GALNT17: variants seen among roughly 807,000 people sequenced by gnomAD.
The protein encoded by GALNT17 is polypeptide N-acetylgalactosaminyltransferase 17.
GALNT17 carries 29 observed loss-of-function variants against 63.7 expected under a neutral mutation model. The ratio of observed to expected loss-of-function variants is 0.46; its 90% CI spans 0.34 to 0.62. The LOEUF is 0.62. Among genes scored for constraint, GALNT17 ranks in the 20% least tolerant of loss-of-function variants. The pLI, the probability that GALNT17 is intolerant of heterozygous loss-of-function variation, is 0.01. For synonymous variants in GALNT17, 305 were observed against 318.3 expected, an observed-to-expected ratio of 0.96 and a Z score of 0.45; for missense variants, 603 against 799.6, an observed-to-expected ratio of 0.75 and a Z score of 2.97.
At chr7:71,512,212 G>T (rs1037476510) in intron 5 of GALNT17, among the ~76,000 whole-genome samples, 7 of 151,802 alleles carry the variant, frequency 4.6e-5, no homozygotes, top group African/African-American at 1.5e-4. Context: ...ACCTTGTTAC[G>T]CAGGCTGGTC....
At chr7:71,503,932 A>T (rs111312910) in intron 5 of GALNT17, among the ~76,000 whole-genome samples, 2,270 of 152,154 alleles carry the variant, frequency 0.015, 64 homozygotes, top group African/African-American at 0.051. Flanking sequence ...CGTCTCTACT[A>T]AAAATACAAA....
At chr7:71,628,705 T>G (rs537677486) in intron 6 of GALNT17, among the ~76,000 whole-genome samples, 1 of 151,922 alleles carries the variant, frequency 6.6e-6, no homozygotes, top group South Asian at 2.1e-4. Flanking sequence ...CTGAGGCACG[T>G]GAATCACTTG....
chr7:71,139,714 C>G (rs930123168), intron 1 of GALNT17, among the ~76,000 whole-genome samples: 4 of 151,998 alleles, frequency 2.6e-5, no homozygotes, highest in African/African-American at 9.7e-5. Context: ...GAATGGTGGC[C>G]GGGCACGGTG....
chr7:71,651,646 A>C (rs1790756707), intron 6 of GALNT17, among the ~76,000 whole-genome samples: 1 of 152,298 alleles, frequency 6.6e-6, no homozygotes, highest in South Asian at 2.1e-4. Flanking sequence ...CCTCTATGAC[A>C]GTCACAAGCT....
chr7:71,329,141 A>G (rs1791757505), intron 1 of GALNT17, among the ~76,000 whole-genome samples: 1 of 152,178 alleles, frequency 6.6e-6, no homozygotes, highest in East Asian at 1.9e-4. Context: ...AGGAAGAATC[A>G]GAGGTTTTTC....
chr7:71,330,107 G>A (rs887150715), intron 1 of GALNT17, among the ~76,000 whole-genome samples: 2 of 150,782 alleles, frequency 1.3e-5, no homozygotes, highest in Non-Finnish European at 3.0e-5. Context: ...CCATCTCCCA[G>A]GTTCAAATGA....
At chr7:71,515,583 C>T (rs1788431810) in intron 5 of GALNT17, among the ~76,000 whole-genome samples, 1 of 152,180 alleles carries the variant, frequency 6.6e-6, no homozygotes, top group Non-Finnish European at 1.5e-5. Context: ...CACCCGCACT[C>T]CCTACTCATG....
intron 8 of GALNT17, among the ~76,000 whole-genome samples, chr7:71,671,865 T>C (rs998204166): frequency 1.3e-5 from 2 of 151,886 alleles, no homozygotes; most frequent in Non-Finnish European, 2.9e-5. Flanking sequence ...TCTATATAGA[T>C]ATATATATTA....
rs1248810424 is a variant in GALNT17 at position 71,265,131 on chromosome 7, T to A, written c.239-70419T>A. Among the ~76,000 whole-genome samples, 53 of 74,872 alleles carry A rather than the reference T, an allele frequency of 7.1e-4. 5 individuals are homozygous for A. The highest frequency in any genetic ancestry group is 3.2e-3 in the East Asian group (6 of 1,884). 49.1% of individuals were successfully genotyped at this position (74,872 alleles called of 152,430 possible). Reference sequence around the variant, plus strand: ...ATATATATATATATTTTTTTTTTTTTTTTTTTTTTTTTTGAGATGGAGTCT... The same window carrying A: ...ATATATATATATATTTTTTTTTTTTATTTTTTTTTTTTTGAGATGGAGTCT... On this transcript the variant is annotated intron_variant, in intron 1 of 10. Coordinates refer to ENST00000333538, the MANE Select transcript of GALNT17 (RefSeq NM_022479.3).
chr7:71,697,675 G>A (rs1019049467), intron 9 of GALNT17, among the ~76,000 whole-genome samples: 4 of 152,148 alleles, frequency 2.6e-5, no homozygotes, highest in Non-Finnish European at 4.4e-5. Context: ...TAGTGGCTTG[G>A]CCATAATTTG....
chr7:71,277,453 A>G (rs537009887), intron 1 of GALNT17, among the ~76,000 whole-genome samples: 11 of 152,340 alleles, frequency 7.2e-5, no homozygotes, highest in Non-Finnish European at 1.5e-4. Context: ...CAGTATACCT[A>G]TGTAACATGC....
rs1269746879 is a variant in GALNT17, at chr7:71,309,530, C to T, written c.239-26020C>T. 2.6e-5 allele frequency among the ~76,000 whole-genome samples: 4 copies of T among 152,108 alleles called. No homozygotes were observed. In the East Asian group the frequency reaches 7.7e-4, roughly 29 times the overall value. On this transcript the variant is annotated intron_variant, in intron 1 of 10. Coordinates refer to ENST00000333538, the MANE Select transcript of GALNT17 (RefSeq NM_022479.3). ...TCTGGGTTCGCATAACTTTTGTCTACACTTTTGTCGTGTCATTTACTGCAA... is the reference window on the plus strand; with the variant it reads ...TCTGGGTTCGCATAACTTTTGTCTATACTTTTGTCGTGTCATTTACTGCAA...
At chr7:71,541,204 A>G (rs1413224977) in intron 5 of GALNT17, among the ~76,000 whole-genome samples, 2 of 151,360 alleles carry the variant, frequency 1.3e-5, no homozygotes, top group African/African-American at 2.4e-5. Flanking sequence ...AGATCGTGCC[A>G]CTGCACTCCA....
At chr7:71,490,938 A>G (rs1787995628) in intron 5 of GALNT17, among the ~76,000 whole-genome samples, 1 of 152,100 alleles carries the variant, frequency 6.6e-6, no homozygotes, top group African/African-American at 2.4e-5. Flanking sequence ...TCATGCCTGT[A>G]ATCCCAGCAC....
intron 5 of GALNT17, among the ~76,000 whole-genome samples, chr7:71,544,179 T>C (rs1228503041): frequency 6.7e-6 from 1 of 150,220 alleles, no homozygotes; most frequent in Non-Finnish European, 1.5e-5. Flanking sequence ...GCCCAGGCTC[T>C]GGAGTGCAGT....
chr7:71,364,938 A>ATTTTTAATT (rs1554360045), intron 2 of GALNT17, among the ~76,000 whole-genome samples: 3 of 150,784 alleles, frequency 2.0e-5, no homozygotes, highest in Non-Finnish European at 4.4e-5. Flanking sequence ...TTTTTTTATT[A>ATTTTTAATT]TTTTTATTTT....
intron 6 of GALNT17, among the ~76,000 whole-genome samples, chr7:71,603,060 G>C (rs1031035513): frequency 1.3e-5 from 2 of 152,092 alleles, no homozygotes; most frequent in Admixed American, 6.6e-5. Flanking sequence ...GCATACACTG[G>C]ATACTATGCT....
intron 1 of GALNT17, among the ~76,000 whole-genome samples, chr7:71,173,930 AAT>A (rs1305738024): frequency 2.0e-5 from 3 of 152,152 alleles, no homozygotes; most frequent in African/African-American, 7.2e-5. Flanking sequence ...GAGTCTGTTG[AAT>A]ATATGAGTGC....
intron 1 of GALNT17, among the ~76,000 whole-genome samples, chr7:71,153,312 T>C (rs963392099): frequency 1.3e-5 from 2 of 152,158 alleles, no homozygotes; most frequent in Non-Finnish European, 2.9e-5. Flanking sequence ...AGAACGCCTG[T>C]AATAGGAGAA....
Sources: gnomAD v4.1 joint callset for allele counts (sites outside exome capture counted in the v4.1 genomes callset) on GRCh38, gnomAD v4.1.1 for gene constraint, MANE v1.5 for transcripts, NCBI Gene and HGNC (gene_info 2026-07-23, HGNC 2026-07-21) for gene names.